EXOC4: variants seen among roughly 807,000 people sequenced by gnomAD.
EXOC4 encodes the protein exocyst complex component 4, also known as SEC8-like 1.
Under a neutral mutation model 107.2 loss-of-function variants are expected in EXOC4, and 71 were observed. The ratio of observed to expected loss-of-function variants is 0.66; its 90% CI spans 0.55 to 0.81. The LOEUF (loss-of-function observed/expected upper bound fraction) is 0.81. Ranked by LOEUF, EXOC4 falls within the 30% of genes least tolerant of loss-of-function variation. The probability of loss-of-function intolerance (pLI) is 0.00; values close to 1 mark genes in which losing one functional copy is unlikely to be tolerated. For synonymous variants in EXOC4, 456 were observed against 441.2 expected, an observed-to-expected ratio of 1.03 and a Z score of -0.42; for missense variants, 1,108 against 1,189.6, an observed-to-expected ratio of 0.93 and a Z score of 1.01.
intron 10 of EXOC4, among the ~76,000 whole-genome samples, chr7:133,631,985 G>A (rs887604927): frequency 5.9e-5 from 9 of 152,038 alleles, no homozygotes; most frequent in African/African-American, 2.2e-4. Flanking sequence ...ACTATTAACC[G>A]TGTTGTCAGT....
In EXOC4 at chr7:133,336,680, TTTTTA is replaced by T. The variant is rs1254826045; in HGVS notation, c.763+19299_763+19303del. On this transcript the variant is annotated intron_variant, in intron 5 of 17. Coordinates refer to ENST00000253861, the MANE Select transcript of EXOC4 (RefSeq NM_021807.4). ...TTTTCAATTTTTCTGTTTTGTTTCA[TTTTTA>T]TTTTATTTATTTTATTTTATTTTAT... Among the ~76,000 whole-genome samples the T allele has an allele frequency of 1.3e-3, 190 of 149,716 alleles. 1 individual carries two copies. Among genetic ancestry groups the T allele is most frequent in the Middle Eastern group, 6.9e-3 (2 of 290 alleles).
At chr7:133,438,236 T>C (rs1226966284) in intron 7 of EXOC4, among the ~76,000 whole-genome samples, 1 of 152,244 alleles carries the variant, frequency 6.6e-6, no homozygotes, top group Non-Finnish European at 1.5e-5. Context: ...ATCCTAATGA[T>C]GTCTCATATG....
chr7:133,501,262 T>C (rs916200042), intron 9 of EXOC4, among the ~76,000 whole-genome samples: 2 of 152,192 alleles, frequency 1.3e-5, no homozygotes, highest in African/African-American at 4.8e-5. Context: ...AATGCAAAGC[T>C]CTGATAATTA....
At position 133,604,706 on chromosome 7, in the gene EXOC4, CTTTCTTTT is replaced by C. The variant is rs1420035755; in HGVS notation, c.1418-25335_1418-25328del. 2.2e-3 allele frequency among the ~76,000 whole-genome samples: 191 copies of C among 87,536 alleles called. 11 individuals carry two copies. The highest frequency in any genetic ancestry group is 6.3e-3 in the African/African-American group (143 of 22,698). The allele number at this position is 87,536 out of a possible 152,430, so 57.4% of individuals were successfully genotyped here. ...TTTTTCTTTCCTTCCTTCCTTCCTT[CTTTCTTTT>C]TTTTTTTTTTTTTTTTTTTTTTTTT... On this transcript the variant is annotated intron_variant, in intron 9 of 17. Coordinates refer to ENST00000253861, the MANE Select transcript of EXOC4 (RefSeq NM_021807.4).
chr7:133,845,599 C>T (rs996609712), intron 11 of EXOC4, among the ~76,000 whole-genome samples: 3 of 152,050 alleles, frequency 2.0e-5, no homozygotes, highest in African/African-American at 7.2e-5. Context: ...AAGCATTTCA[C>T]ATATGCCTAC....
At chr7:133,989,649 G>A (rs749234306) in intron 14 of EXOC4, among the ~76,000 whole-genome samples, 1 of 152,188 alleles carries the variant, frequency 6.6e-6, no homozygotes, top group Admixed American at 6.5e-5. Context: ...GAGGACTGAA[G>A]AGCAGCCAGT....
At chr7:133,319,515 G>A (rs995866343) in intron 5 of EXOC4, among the ~76,000 whole-genome samples, 2 of 152,254 alleles carry the variant, frequency 1.3e-5, no homozygotes, top group South Asian at 4.1e-4. Context: ...TTGAGACGGT[G>A]TTTCACTCTT....
At chr7:133,769,136 A>G (rs970058329) in intron 10 of EXOC4, among the ~76,000 whole-genome samples, 2 of 152,026 alleles carry the variant, frequency 1.3e-5, no homozygotes, top group African/African-American at 4.8e-5. Context: ...AATGCAGGTA[A>G]AGAGGCTACT....
In EXOC4 at chr7:133,937,771, G is replaced by T; in HGVS notation, c.2028-120G>T. 12 of 897,040 alleles carry T rather than the reference G, an allele frequency of 1.3e-5. No individual in the cohort carries two copies. The South Asian group carries it at 2.1e-4, about 16-fold the overall frequency. The allele number at this position is 897,040 out of a possible 1,614,324, so 55.6% of individuals were successfully genotyped here. On this transcript the variant is annotated intron_variant, in intron 13 of 17. Transcript: ENST00000253861. The stretch of plus-strand genomic sequence containing the variant: ...CTCACAAAGTTAAACCTAGGAAAAA[G>T]AGCACGCTGTAAAATAGTGCTCATG...
At chr7:133,508,098 C>G (rs1279364702) in intron 9 of EXOC4, among the ~76,000 whole-genome samples, 1 of 151,906 alleles carries the variant, frequency 6.6e-6, no homozygotes, top group African/African-American at 2.4e-5. Context: ...AAATCAGTAA[C>G]AAATACACAG....
At chr7:133,378,674 C>T (rs1162217730) in intron 7 of EXOC4, among the ~76,000 whole-genome samples, 2 of 151,712 alleles carry the variant, frequency 1.3e-5, no homozygotes, top group Admixed American at 1.3e-4. Context: ...TATTTCAATC[C>T]CTAGAGCAAA....
At chr7:133,686,592 A>C (rs1794303417) in intron 10 of EXOC4, among the ~76,000 whole-genome samples, 1 of 152,184 alleles carries the variant, frequency 6.6e-6, no homozygotes, top group African/African-American at 2.4e-5. Context: ...AACATATACA[A>C]ATTGCCAATA....
intron 3 of EXOC4, among the ~76,000 whole-genome samples, chr7:133,300,069 A>C (rs1404341243): frequency 6.6e-6 from 1 of 152,136 alleles, no homozygotes; most frequent in Admixed American, 6.6e-5. Context: ...GAGTACACCA[A>C]GTCTGCTTTA....
intron 9 of EXOC4, among the ~76,000 whole-genome samples, chr7:133,608,630 G>A (rs1193066808): frequency 1.4e-5 from 2 of 140,610 alleles, no homozygotes; most frequent in South Asian, 2.3e-4. Context: ...GCTTACTGCA[G>A]CCTCTTACTC....
At chr7:133,809,864 C>G (rs187548441) in intron 10 of EXOC4, among the ~76,000 whole-genome samples, 1 of 152,258 alleles carries the variant, frequency 6.6e-6, no homozygotes, top group East Asian at 1.9e-4. Flanking sequence ...GCATGAATTA[C>G]TTGTGCTCTA....
At chr7:133,730,201 G>T (rs888553357) in intron 10 of EXOC4, among the ~76,000 whole-genome samples, 1 of 148,188 alleles carries the variant, frequency 6.7e-6, no homozygotes, top group Non-Finnish European at 1.5e-5. Context: ...CAGCTTCTTA[G>T]TGACCTTCTT....
intron 9 of EXOC4, among the ~76,000 whole-genome samples, chr7:133,604,057 C>G (rs575513208): frequency 9.2e-4 from 139 of 150,934 alleles, no homozygotes; most frequent in Admixed American, 1.4e-3. Flanking sequence ...GATATAAACA[C>G]ACACATGAGC....
intron 1 of EXOC4, among the ~76,000 whole-genome samples, chr7:133,274,372 A>G (rs1793941374): frequency 6.6e-6 from 1 of 152,240 alleles, no homozygotes; most frequent in South Asian, 2.1e-4. Flanking sequence ...ACCAACTGAA[A>G]GTGACTTAAA....
chr7:134,064,418 G>A lies in EXOC4; in HGVS notation c.2815G>A (p.Val939Met). Residue 939 changes from valine to methionine, a missense_variant, in exon 18 of 18, where the codon GTG becomes ATG. Val to Met is a conservative substitution (Grantham distance 21, BLOSUM62 1). Transcript: ENST00000253861. ...CCTGCTGCACCGCAGCCAGACTGGG[G>A]TGGGGGAACTGACCACCCAGAACAC... ...LTLLHRSQTG[V>M]GELTTQNTRL... The A allele has an allele frequency of 6.2e-7, 1 of 1,608,164 alleles. No individual in the cohort carries two copies. The highest frequency in any genetic ancestry group is 8.5e-7 in the Non-Finnish European group (1 of 1,176,886).
Sources: gnomAD v4.1 joint callset for allele counts (sites outside exome capture counted in the v4.1 genomes callset) on GRCh38, gnomAD v4.1.1 for gene constraint, MANE v1.5 for transcripts, NCBI Gene and HGNC (gene_info 2026-07-23, HGNC 2026-07-21) for gene names.